MYL11: variants seen among roughly 807,000 people sequenced by gnomAD.
MYL11 encodes the protein myosin light chain 11.
the MYL11 span, among the ~76,000 whole-genome samples, chr16:30,377,161 C>G: frequency 6.6e-6 from 1 of 151,792 alleles, no homozygotes; most frequent in Non-Finnish European, 1.5e-5. Flanking sequence ...TGCAGTGAGC[C>G]AAGATCACGC....
chr16:30,374,771 C>T, the MYL11 span: 1 of 1,544,344 alleles, frequency 6.5e-7, no homozygotes, highest in Non-Finnish European at 8.8e-7. Flanking sequence ...TGGGGCAGGA[C>T]TATATAACCC....
the MYL11 span, chr16:30,375,916 G>A: frequency 1.2e-6 from 2 of 1,613,802 alleles, no homozygotes; most frequent in Non-Finnish European, 1.7e-6. Flanking sequence ...CAAAGAGGTG[G>A]GTGAGGGGAC....
chr16:30,376,237 C>T, the MYL11 span: 1 of 1,612,414 alleles, frequency 6.2e-7, no homozygotes, highest in African/African-American at 1.3e-5. Flanking sequence ...CCCCTACCCC[C>T]AGGTGGGAAT....
chr16:30,372,615 C>T, the MYL11 span, among the ~76,000 whole-genome samples: 2 of 151,712 alleles, frequency 1.3e-5, no homozygotes, highest in African/African-American at 2.4e-5. Context: ...TGAGCTGCCA[C>T]TGGCTATCAA....
chr16:30,375,999 G>T, the MYL11 span: 1 of 1,523,220 alleles, frequency 6.6e-7, no homozygotes, highest in Non-Finnish European at 9.0e-7. Context: ...CTTGAAGGAG[G>T]GGAAAGGTTT....
At chr16:30,374,833 G>C in the MYL11 span, 1 of 1,613,370 alleles carries the variant, frequency 6.2e-7, no homozygotes, top group Non-Finnish European at 8.5e-7. Context: ...CGGAGCCGCT[G>C]CCTTGCCCCC....
chr16:30,374,805 T>C, the MYL11 span: 21 of 1,609,604 alleles, frequency 1.3e-5, no homozygotes, highest in Non-Finnish European at 1.8e-5. Context: ...CCATGCTGAC[T>C]CCTTGCTTCT....
the MYL11 span, chr16:30,377,771 G>C: frequency 1.9e-6 from 3 of 1,612,298 alleles, no homozygotes; most frequent in East Asian, 2.2e-5. Context: ...GGGCCTGTGC[G>C]AGACGCCCCT....
At chr16:30,377,933 C>A in the MYL11 span, 1 of 1,575,590 alleles carries the variant, frequency 6.3e-7, no homozygotes. Flanking sequence ...CCCGACGCTT[C>A]TGTTCGGCCC....
At chr16:30,376,314 G>T in the MYL11 span, 12 of 1,554,118 alleles carry the variant, frequency 7.7e-6, no homozygotes, top group Admixed American at 3.5e-5. Flanking sequence ...TCCACCTTGG[G>T]CCTCAGTCTA....
chr16:30,377,758 TA>T, the MYL11 span: 1 of 1,606,600 alleles, frequency 6.2e-7, no homozygotes, highest in Non-Finnish European at 8.5e-7. Context: ...CCGGGGAGAC[TA>T]AGGGCCTGTG....
At chr16:30,372,142 G>T in the MYL11 span, among the ~76,000 whole-genome samples, 6 of 151,956 alleles carry the variant, frequency 3.9e-5, no homozygotes, top group Non-Finnish European at 8.8e-5. Context: ...TCCCCTTTTT[G>T]GAGTCCTCCT....
At chr16:30,373,857 T>G in the MYL11 span, among the ~76,000 whole-genome samples, 1 of 151,648 alleles carries the variant, frequency 6.6e-6, no homozygotes, top group Non-Finnish European at 1.5e-5. Context: ...CACAGATGGC[T>G]CTTTCTCACC....
At chr16:30,375,185 G>A in the MYL11 span, among the ~76,000 whole-genome samples, 1 of 152,142 alleles carries the variant, frequency 6.6e-6, no homozygotes, top group African/African-American at 2.4e-5. Flanking sequence ...AGAGGCTCAG[G>A]CCAGGTGCTG....
the MYL11 span, chr16:30,376,712 C>G: frequency 6.2e-7 from 1 of 1,611,530 alleles, no homozygotes; most frequent in Non-Finnish European, 8.5e-7. Context: ...AGCATCGGCT[C>G]CCCCACCCTT....
At chr16:30,376,817 A>G in the MYL11 span, 3 of 1,010,734 alleles carry the variant, frequency 3.0e-6, no homozygotes, top group African/African-American at 3.2e-5. Flanking sequence ...CTATAATCCC[A>G]GTGCTTTGGG....
At chr16:30,373,378 A>G in the MYL11 span, among the ~76,000 whole-genome samples, 2 of 152,040 alleles carry the variant, frequency 1.3e-5, no homozygotes, top group African/African-American at 2.4e-5. Flanking sequence ...GGCAGATCAC[A>G]AGGTCAGGAG....
chr16:30,377,837 C>T, the MYL11 span: 3 of 1,614,154 alleles, frequency 1.9e-6, no homozygotes, highest in African/African-American at 2.7e-5. Flanking sequence ...ACGTGGGCGG[C>T]AACGTCGACT....
the MYL11 span, chr16:30,376,256 C>T: frequency 6.2e-7 from 1 of 1,607,054 alleles, no homozygotes; most frequent in East Asian, 2.2e-5. Flanking sequence ...ATATTCAAGG[C>T]TGCAGAGTCT....
Sources: allele counts gnomAD v4.1 joint callset (sites outside exome capture counted in the v4.1 genomes callset), GRCh38; gene constraint gnomAD v4.1.1; transcripts MANE v1.5; gene names NCBI Gene and HGNC (gene_info 2026-07-23, HGNC 2026-07-21).